DMD: variants seen among roughly 807,000 people sequenced by gnomAD.
DMD encodes the protein dystrophin, also known as mutant dystrophin.
Under a neutral mutation model 330.1 loss-of-function variants are expected in DMD, and 63 were observed. The observed-to-expected ratio is 0.19, with a 90% CI of 0.16 to 0.24. The LOEUF (loss-of-function observed/expected upper bound fraction) is 0.24. DMD is among the 10% of genes least tolerant of loss of function. The pLI, the probability that DMD is intolerant of heterozygous loss-of-function variation, is 1.00. For missense variants in DMD, 3,344 were observed against 2,684.1 expected, an observed-to-expected ratio of 1.25 and a Z score of -5.43; for synonymous variants, 1,223 against 959.8, an observed-to-expected ratio of 1.27 and a Z score of -5.07.
At chrX:33,332,655 T>C (rs969834554) in intron 1 of DMD, among the ~76,000 whole-genome samples, 4 of 111,643 alleles carry the variant, frequency 3.6e-5, no homozygotes, top group Non-Finnish European at 5.7e-5. Flanking sequence ...TTATCTCCTT[T>C]CTAAAACAAT....
At chrX:32,010,490 C>G (rs189597525) in intron 44 of DMD, among the ~76,000 whole-genome samples, 101 of 111,793 alleles carry the variant, frequency 9.0e-4, no homozygotes, top group African/African-American at 3.0e-3. Context: ...TCCAGGTCCT[C>G]ATTATCTGGC....
At chrX:32,090,654 A>G (rs1045658262) in intron 44 of DMD, among the ~76,000 whole-genome samples, 2 of 111,972 alleles carry the variant, frequency 1.8e-5, no homozygotes, top group South Asian at 3.7e-4. Context: ...TAACCATGAG[A>G]TAAGTTTCTA....
intron 60 of DMD, among the ~76,000 whole-genome samples, chrX:31,359,265 C>CA (rs1556560017): frequency 8.9e-6 from 1 of 111,782 alleles, no homozygotes; most frequent in Non-Finnish European, 1.9e-5. Context: ...GAGAACTTTT[C>CA]AAAAAAATAC....
intron 7 of DMD, among the ~76,000 whole-genome samples, chrX:32,720,465 C>G (rs369310264): frequency 6.3e-5 from 7 of 111,925 alleles, no homozygotes; most frequent in Non-Finnish European, 3.8e-5. Context: ...AAATGTTATT[C>G]GATTCACATT....
intron 1 of DMD, among the ~76,000 whole-genome samples, chrX:33,081,473 C>T (rs972368504): frequency 2.7e-5 from 3 of 111,672 alleles, no homozygotes; most frequent in African/African-American, 9.8e-5. Flanking sequence ...GGGGTTTCAC[C>T]ATGTTGGCCA....
At chrX:31,992,034 G>A (rs904309274) in intron 44 of DMD, among the ~76,000 whole-genome samples, 1 of 111,615 alleles carries the variant, frequency 9.0e-6, no homozygotes, top group East Asian at 2.8e-4. Context: ...GACTTAAAAC[G>A]CAGTGTAAGG....
intron 7 of DMD, among the ~76,000 whole-genome samples, chrX:32,758,817 G>A (rs1234317070): frequency 9.0e-6 from 1 of 111,619 alleles, no homozygotes; most frequent in Non-Finnish European, 1.9e-5. Flanking sequence ...TAGGGGCCAT[G>A]TGCTCCGCAG....
At chrX:33,167,308 A>G (rs2049105590) in intron 1 of DMD, among the ~76,000 whole-genome samples, 1 of 111,223 alleles carries the variant, frequency 9.0e-6, no homozygotes, top group East Asian at 2.8e-4. Context: ...TCCTTGCACA[A>G]CTTCAGGGAG....
At chrX:32,199,780 T>TG (rs2097024425) in intron 44 of DMD, among the ~76,000 whole-genome samples, 7 of 84,140 alleles carry the variant, frequency 8.3e-5, no homozygotes, top group East Asian at 4.0e-4. Context: ...CGCAAGGCTT[T>TG]TGTGTGTGTG....
intron 44 of DMD, among the ~76,000 whole-genome samples, chrX:32,069,958 A>G (rs927825553): frequency 8.9e-6 from 1 of 111,751 alleles, no homozygotes; most frequent in Non-Finnish European, 1.9e-5. Flanking sequence ...TGGAAAAAAC[A>G]CATGAGCAAA....
intron 4 of DMD, among the ~76,000 whole-genome samples, chrX:32,835,032 T>A (rs2079493020): frequency 9.0e-6 from 1 of 111,299 alleles, no homozygotes; most frequent in Admixed American, 9.6e-5. Flanking sequence ...TCTAAGTTCC[T>A]TTACCAGACA....
intron 44 of DMD, among the ~76,000 whole-genome samples, chrX:32,100,935 T>C (rs1318431022): frequency 8.9e-6 from 1 of 111,783 alleles, no homozygotes; most frequent in Admixed American, 9.6e-5. Context: ...TTCATTCATT[T>C]GTCTTTATTT....
At chrX:33,018,737 T>TA (rs1416595031) in intron 2 of DMD, among the ~76,000 whole-genome samples, 2 of 111,840 alleles carry the variant, frequency 1.8e-5, no homozygotes, top group African/African-American at 6.5e-5. Context: ...TTCCAAAACT[T>TA]AAAAATGTCA....
intron 55 of DMD, among the ~76,000 whole-genome samples, chrX:31,555,291 T>C (rs1355848027): frequency 9.0e-6 from 1 of 111,586 alleles, no homozygotes; most frequent in Non-Finnish European, 1.9e-5. Context: ...ATACACATAA[T>C]TGGCTCTTGG....
intron 9 of DMD, among the ~76,000 whole-genome samples, chrX:32,673,705 T>G (rs891638025): frequency 4.5e-4 from 51 of 112,298 alleles, no homozygotes; most frequent in African/African-American, 1.6e-3. Context: ...GCAGCTTCTA[T>G]GTAATCTATA....
At chrX:32,531,134 A>G (rs971267752) in intron 17 of DMD, among the ~76,000 whole-genome samples, 6 of 111,630 alleles carry the variant, frequency 5.4e-5, no homozygotes, top group African/African-American at 2.0e-4. Flanking sequence ...AAATGTCCAA[A>G]GATATAGATA....
At position 32,454,735 on chromosome X, in the gene DMD, T is replaced by A; in HGVS notation, c.3530A>T (p.Glu1177Val). 1 of 1,205,744 alleles carries A rather than the reference T, an allele frequency of 8.3e-7. No homozygotes were observed. Among genetic ancestry groups the A allele is most frequent in the Non-Finnish European group, 1.1e-6 (1 of 891,996 alleles). The change falls in exon 26 of 79, where the codon GAA becomes GTA. Residue 1177 changes from glutamate to valine, a missense_variant. Physicochemically the swap from Glu to Val is moderately radical, Grantham distance 121. Transcript: ENST00000357033. ...SEMHEWMTQA[E>V]EEYLERDFEY... is the part of the protein sequence containing the mutation. ...AAAATCTCTCTCAAGATACTCTTCT[T>A]CAGCTTGTGTCATCCATTCGTGCAT...
chrX:32,484,208 T>G (rs1215434753), intron 21 of DMD, among the ~76,000 whole-genome samples: 2 of 111,706 alleles, frequency 1.8e-5, no homozygotes, highest in Non-Finnish European at 3.8e-5. Flanking sequence ...TTCTTAAAGG[T>G]GGTCATTCAT....
chrX:31,333,934 CTTTTTT>C (rs374127684), intron 61 of DMD, among the ~76,000 whole-genome samples: 1 of 102,990 alleles, frequency 9.7e-6, no homozygotes, highest in Admixed American at 1.0e-4. Context: ...AGATATTCAT[CTTTTTT>C]TTTTTTTTTG....
Sources: allele counts gnomAD v4.1 joint callset (sites outside exome capture counted in the v4.1 genomes callset), GRCh38; gene constraint gnomAD v4.1.1; transcripts MANE v1.5; gene names NCBI Gene and HGNC (gene_info 2026-07-23, HGNC 2026-07-21).